ADK: variants seen among roughly 807,000 people sequenced by gnomAD.
ADK encodes adenosine kinase.
In ADK, 24 loss-of-function variants were observed where a neutral mutation model predicts 44.7. The ratio of observed to expected loss-of-function variants is 0.54; its 90% CI spans 0.39 to 0.76. The LOEUF is 0.76. Among genes scored for constraint, ADK ranks in the 30% least tolerant of loss-of-function variants. The probability of loss-of-function intolerance (pLI) is 0.00; values close to 1 mark genes in which losing one functional copy is unlikely to be tolerated. For missense variants in ADK, 321 were observed against 425.1 expected, an observed-to-expected ratio of 0.76 and a Z score of 2.15; for synonymous variants, 128 against 142.6, an observed-to-expected ratio of 0.90 and a Z score of 0.73.
chr10:74,262,466 A>G (rs2132378404), intron 3 of ADK, among the ~76,000 whole-genome samples: 1 of 152,258 alleles, frequency 6.6e-6, no homozygotes, highest in South Asian at 2.1e-4. Context: ...GAAGGCAAGG[A>G]GAGGAAGAAG....
intron 10 of ADK, among the ~76,000 whole-genome samples, chr10:74,704,862 A>C (rs1856545200): frequency 6.6e-6 from 1 of 152,228 alleles, no homozygotes; most frequent in South Asian, 2.1e-4. Flanking sequence ...GTGTGGACTG[A>C]GCATTTTCGC....
At chr10:74,265,401 A>T (rs1285333669) in intron 3 of ADK, among the ~76,000 whole-genome samples, 1 of 151,912 alleles carries the variant, frequency 6.6e-6, no homozygotes, top group Non-Finnish European at 1.5e-5. Context: ...ATTTTAGTAG[A>T]GACGGGGTTT....
At chr10:74,185,846 A>G (rs1842735775) in intron 1 of ADK, among the ~76,000 whole-genome samples, 1 of 145,936 alleles carries the variant, frequency 6.9e-6, no homozygotes, top group Non-Finnish European at 1.5e-5. Context: ...CAAAAAGAAA[A>G]AAAAAAAAAA....
At chr10:74,385,704 C>G (rs1368934086) in intron 4 of ADK, among the ~76,000 whole-genome samples, 2 of 152,158 alleles carry the variant, frequency 1.3e-5, no homozygotes, top group East Asian at 3.8e-4. Flanking sequence ...GAACACTTTG[C>G]TTACATTATC....
intron 4 of ADK, among the ~76,000 whole-genome samples, chr10:74,342,891 A>G (rs1841632687): frequency 6.8e-6 from 1 of 148,038 alleles, no homozygotes; most frequent in Non-Finnish European, 1.5e-5. Context: ...GTTCTTTATG[A>G]TTTTCTATAA....
intron 1 of ADK, among the ~76,000 whole-genome samples, chr10:74,193,533 C>T (rs1040000873): frequency 1.3e-5 from 2 of 152,088 alleles, no homozygotes; most frequent in African/African-American, 2.4e-5. Context: ...GCCTGTAATC[C>T]TAGAACCTAG....
Position 74,353,632 on chromosome 10 carries a change from G to A in ADK, c.273+38887G>A, listed in dbSNP as rs539829485. ...GCCTGTAATCCCAGCACTTTGGGAG[G>A]CTGAGGCAGGTGGATCACAAGGTCA... On this transcript the variant is annotated intron_variant, in intron 4 of 10. Transcript: ENST00000539909. Among the ~76,000 whole-genome samples the A allele has an allele frequency of 3.4e-4, 51 of 151,986 alleles. 1 individual carries two copies. The South Asian group carries it at 1.0e-2, about 30-fold the overall frequency.
At chr10:74,170,622 C>A (rs905924690) in intron 1 of ADK, among the ~76,000 whole-genome samples, 15 of 151,674 alleles carry the variant, frequency 9.9e-5, no homozygotes, top group South Asian at 6.2e-4. Flanking sequence ...CACGGTGAAA[C>A]CCTGTCTCTA....
At chr10:74,401,836 T>C (rs2132877205) in intron 6 of ADK, among the ~76,000 whole-genome samples, 1 of 152,312 alleles carries the variant, frequency 6.6e-6, no homozygotes, top group South Asian at 2.1e-4. Context: ...TTCCTAGCCT[T>C]GATGGTCTTT....
At chr10:74,295,518 T>A (rs1373544663) in intron 3 of ADK, among the ~76,000 whole-genome samples, 4 of 152,120 alleles carry the variant, frequency 2.6e-5, no homozygotes, top group African/African-American at 9.7e-5. Context: ...GCTATGACAC[T>A]TTTTGGTTGG....
At chr10:74,687,983 C>T (rs1028496445) in intron 10 of ADK, among the ~76,000 whole-genome samples, 1 of 152,192 alleles carries the variant, frequency 6.6e-6, no homozygotes, top group African/African-American at 2.4e-5. Flanking sequence ...CGTTGCTTCT[C>T]ACTGCACTTA....
intron 6 of ADK, among the ~76,000 whole-genome samples, chr10:74,477,811 T>C (rs1409265974): frequency 1.3e-5 from 2 of 152,242 alleles, no homozygotes; most frequent in African/African-American, 4.8e-5. Flanking sequence ...TTTGATCTTA[T>C]TCATAACAGT....
intron 6 of ADK, among the ~76,000 whole-genome samples, chr10:74,515,735 C>A (rs1848543547): frequency 6.6e-6 from 1 of 152,162 alleles, no homozygotes; most frequent in Admixed American, 6.5e-5. Context: ...GGGAGGTCTC[C>A]TGCTTAGAGA....
chr10:74,306,581 A>G (rs892611735), intron 3 of ADK, among the ~76,000 whole-genome samples: 1 of 152,198 alleles, frequency 6.6e-6, no homozygotes, highest in Non-Finnish European at 1.5e-5. Flanking sequence ...AACACTTTAT[A>G]TGCAAATTGT....
chr10:74,282,236 C>T (rs550285767), intron 3 of ADK, among the ~76,000 whole-genome samples: 1 of 152,182 alleles, frequency 6.6e-6, no homozygotes, highest in African/African-American at 2.4e-5. Context: ...CAAAAAATCT[C>T]TTATTGAACT....
Position 74,398,483 on chromosome 10 carries a change from T to A in ADK, c.459T>A (p.Ala153=). 1 of 1,610,468 alleles carries A rather than the reference T, an allele frequency of 6.2e-7. No individual in the cohort carries two copies. Among genetic ancestry groups the A allele is most frequent in the South Asian group, 1.1e-5 (1 of 90,884 alleles). ...CITGDNRSLI[A]NLAAANCYKK... is the part of the protein sequence containing the mutation. ...TTGGTTGTTTTAGGTCCCTCATAGCTAATCTTGCTGCTGCCAATTGTTATA... is the reference window on the plus strand; with the variant it reads ...TTGGTTGTTTTAGGTCCCTCATAGCAAATCTTGCTGCTGCCAATTGTTATA... The change falls in exon 6 of 11, where the codon GCT becomes GCA. Residue 153 remains alanine, a synonymous_variant. Transcript: ENST00000539909.
intron 10 of ADK, 37 bp from the exon 11 acceptor site, chr10:74,708,284 T>C: frequency 1.2e-6 from 2 of 1,602,992 alleles, no homozygotes; most frequent in East Asian, 2.2e-5. Context: ...GCTGCTGTTA[T>C]ACAATACTCA....
chr10:74,416,507 T>TTTATCTAAAAA (rs1844378588), intron 6 of ADK, among the ~76,000 whole-genome samples: 1 of 151,944 alleles, frequency 6.6e-6, no homozygotes, highest in Non-Finnish European at 1.5e-5. Flanking sequence ...TAAAAATTTA[T>TTTATCTAAAAA]TTATCTTGTT....
rs1051121292 is a variant in ADK at position 74,504,043 on chromosome 10, A to G, written c.556-21213A>G. On this transcript the variant is annotated intron_variant, in intron 6 of 10. Transcript: ENST00000539909. ...GCTCAAGAAGGGCTTTAGCTCTCTCAAATAAAAAGACTTATCTCAAGGTGT... is the reference window on the plus strand; with the variant it reads ...GCTCAAGAAGGGCTTTAGCTCTCTCGAATAAAAAGACTTATCTCAAGGTGT... 2.6e-5 allele frequency among the ~76,000 whole-genome samples: 4 copies of G among 152,214 alleles called. No individual in the cohort carries two copies. The East Asian group carries it at 7.7e-4, about 29-fold the overall frequency.
Sources: gnomAD v4.1 joint callset for allele counts (sites outside exome capture counted in the v4.1 genomes callset) on GRCh38, gnomAD v4.1.1 for gene constraint, MANE v1.5 for transcripts, NCBI Gene and HGNC (gene_info 2026-07-23, HGNC 2026-07-21) for gene names.